The following B4GALT1 variants were observed in gnomAD, a reference collection of about 807,000 sequenced individuals.
The protein encoded by B4GALT1 is N-acetyllactosamine synthase.
B4GALT1 carries 16 observed loss-of-function variants against 34.9 expected under a neutral mutation model. The ratio of observed to expected loss-of-function variants is 0.46; its 90% CI spans 0.31 to 0.70. The LOEUF is 0.70. Among genes scored for constraint, B4GALT1 ranks in the 30% least tolerant of loss-of-function variants. B4GALT1 has a pLI of 0.05. For synonymous variants in B4GALT1, 221 were observed against 218.1 expected (o/e 1.01, Z -0.12); for missense variants, 445 against 530.5 (o/e 0.84, Z 1.58).
chr9:33,135,487 G>A, intron 1 of B4GALT1, 63 bp from the exon 2 acceptor site: 5 of 1,484,982 alleles, frequency 3.4e-6, no homozygotes, highest in Non-Finnish European at 4.7e-6. Context: ...TCCACAGGCT[G>A]CATCAGATGG....
chr9:33,170,192 A>G (rs1398643244), upstream of B4GALT1, among the ~76,000 whole-genome samples: 1 of 151,332 alleles, frequency 6.6e-6, no homozygotes, highest in Non-Finnish European at 1.5e-5. Context: ...GAATGGTCTC[A>G]ATCTTTTGAC....
upstream of B4GALT1, among the ~76,000 whole-genome samples, chr9:33,169,667 C>T (rs552757716): frequency 6.6e-6 from 1 of 152,078 alleles, no homozygotes; most frequent in Non-Finnish European, 1.5e-5. Context: ...ATTACAGGTG[C>T]CTGCCATCAC....
intron 1 of B4GALT1, among the ~76,000 whole-genome samples, chr9:33,143,372 G>T (rs913811050): frequency 3.9e-5 from 6 of 152,186 alleles, no homozygotes; most frequent in Non-Finnish European, 8.8e-5. Context: ...ATGAACCACT[G>T]ACTGACCTCA....
intron 1 of B4GALT1, among the ~76,000 whole-genome samples, chr9:33,154,279 G>C (rs539053070): frequency 1.3e-5 from 2 of 152,160 alleles, no homozygotes; most frequent in East Asian, 3.9e-4. Context: ...AAAAGCATTT[G>C]ACAAAACCCA....
chr9:33,137,223 C>T (rs1840284676), intron 1 of B4GALT1, among the ~76,000 whole-genome samples: 1 of 152,230 alleles, frequency 6.6e-6, no homozygotes, highest in Non-Finnish European at 1.5e-5. Context: ...TGTCTCCCTC[C>T]CCATCCCTTA....
At chr9:33,155,791 G>T (rs1840586437) in intron 1 of B4GALT1, among the ~76,000 whole-genome samples, 1 of 152,166 alleles carries the variant, frequency 6.6e-6, no homozygotes, top group Non-Finnish European at 1.5e-5. Context: ...TATGCCTTTT[G>T]TGCCCAAGAA....
At chr9:33,170,550 G>A (rs184093250), upstream of B4GALT1, among the ~76,000 whole-genome samples, 108 of 152,262 alleles carry the variant, frequency 7.1e-4, no homozygotes, top group African/African-American at 2.5e-3. Context: ...ACAGGACTGC[G>A]GGGGTTATTA....
chr9:33,135,903 G>GTGTGTA (rs1840263406), intron 1 of B4GALT1, among the ~76,000 whole-genome samples: 1 of 106,724 alleles, frequency 9.4e-6, no homozygotes, highest in Non-Finnish European at 2.2e-5. Flanking sequence ...GTGTGTGTGT[G>GTGTGTA]TGTGTGTATG....
chr9:33,161,943 G>A (rs1780192043), intron 1 of B4GALT1, among the ~76,000 whole-genome samples: 1 of 152,202 alleles, frequency 6.6e-6, no homozygotes, highest in Admixed American at 6.5e-5. Context: ...CCAGCTGAGT[G>A]CAAAGGGGAT....
At chr9:33,120,375 G>A in intron 3 of B4GALT1, 44 bp downstream of exon 3, 2 of 1,604,318 alleles carry the variant, frequency 1.2e-6, no homozygotes, top group Non-Finnish European at 8.5e-7. Context: ...GTCAACACAT[G>A]AGAGAGACAT....
rs537915587 is a variant in B4GALT1, at chr9:33,152,797, CT to C, written c.412+13960del. Among the ~76,000 whole-genome samples the C allele has an allele frequency of 1.1e-4, 17 of 152,154 alleles. 1 individual carries two copies. The South Asian group carries it at 2.5e-3, about 22-fold the overall frequency. On this transcript the variant is annotated intron_variant, in intron 1 of 5. Coordinates refer to ENST00000379731, the MANE Select transcript of B4GALT1 (RefSeq NM_001497.4). ...GCTAAGGTGTGAGAATCACTTGAAC[CT>C]GGGAGGCGGTGGTTGCAGTGAGCCA...
chr9:33,180,113 GC>G, the B4GALT1 span: 1 of 152,200 alleles, frequency 6.6e-6, no homozygotes, highest in African/African-American at 2.4e-5. Flanking sequence ...ATGTTGCCCA[GC>G]CTGGTCTTGA....
chr9:33,183,807 C>T, the B4GALT1 span, among the ~76,000 whole-genome samples: 2 of 151,618 alleles, frequency 1.3e-5, no homozygotes, highest in African/African-American at 4.8e-5. Flanking sequence ...GAAAATGTGG[C>T]ACATATACAC....
chr9:33,143,251 G>A (rs1035120783), intron 1 of B4GALT1, among the ~76,000 whole-genome samples: 30 of 152,074 alleles, frequency 2.0e-4, no homozygotes, highest in African/African-American at 7.0e-4. Flanking sequence ...GGGCACAGTG[G>A]GGCCAGGTGC....
intron 1 of B4GALT1, among the ~76,000 whole-genome samples, chr9:33,164,883 G>C (rs1198661615): frequency 1.3e-5 from 2 of 151,418 alleles, no homozygotes; most frequent in African/African-American, 4.9e-5. Flanking sequence ...AGCCATTTCT[G>C]TGGGAGTCTG....
upstream of B4GALT1, chr9:33,167,352 G>A (rs996119225): frequency 3.0e-4 from 229 of 763,492 alleles, no homozygotes; most frequent in Non-Finnish European, 3.9e-4. Context: ...GAAGCCGCCC[G>A]AGGCGCCGGC....
intron 1 of B4GALT1, among the ~76,000 whole-genome samples, chr9:33,136,994 C>A (rs942203658): frequency 6.7e-6 from 1 of 149,012 alleles, no homozygotes; most frequent in East Asian, 2.0e-4. Context: ...ACTTCCACCC[C>A]CTTCCCCAGT....
At chr9:33,147,615 G>A (rs944036087) in intron 1 of B4GALT1, among the ~76,000 whole-genome samples, 2 of 152,194 alleles carry the variant, frequency 1.3e-5, no homozygotes, top group Admixed American at 6.5e-5. Flanking sequence ...TTACTGAGGA[G>A]AGTCAGCAGA....
chr9:33,172,708 G>A, the B4GALT1 span, among the ~76,000 whole-genome samples: 1 of 152,132 alleles, frequency 6.6e-6, no homozygotes, highest in Non-Finnish European at 1.5e-5. Context: ...GTTGAGGTGG[G>A]AGGACCACTT....
Sources: allele counts gnomAD v4.1 joint callset (sites outside exome capture counted in the v4.1 genomes callset), GRCh38; gene constraint gnomAD v4.1.1; transcripts MANE v1.5; gene names NCBI Gene and HGNC (gene_info 2026-07-23, HGNC 2026-07-21).